PTPRD: variants seen among roughly 807,000 people sequenced by gnomAD.
PTPRD encodes protein tyrosine phosphatase receptor type D, also known as receptor-type tyrosine-protein phosphatase delta.
A neutral mutation model predicts 214.5 loss-of-function variants in PTPRD; 34 were observed. The observed-to-expected ratio is 0.16, with a 90% CI of 0.12 to 0.21. The LOEUF is 0.21. Among genes scored for constraint, PTPRD ranks in the 10% least tolerant of loss-of-function variants. PTPRD has a pLI of 1.00. For synonymous variants in PTPRD, 1,128 were observed against 845.7 expected (o/e 1.33, Z -5.79); for missense variants, 2,545 against 2,398.7 (o/e 1.06, Z -1.27).
intron 4 of PTPRD, among the ~76,000 whole-genome samples, chr9:10,030,814 T>C (rs2097050356): frequency 6.6e-6 from 1 of 152,218 alleles, no homozygotes. Flanking sequence ...CCATCCCGCT[T>C]CATCTTCACC....
In PTPRD at chr9:10,164,640, TG is replaced by T. The variant is rs1370445395; in HGVS notation, c.-544-130851del. On this transcript the variant is annotated intron_variant, in intron 3 of 45. Coordinates refer to ENST00000381196, the MANE Select transcript of PTPRD (RefSeq NM_002839.4). ...TCGTCCTTATAAATCTAGAATTAAT[TG>T]TTAAGTGGGCAGTTCATAAGTAAAA... 2.0e-5 allele frequency among the ~76,000 whole-genome samples: 3 copies of T among 151,708 alleles called. No homozygotes were observed. The East Asian group carries it at 5.8e-4, about 29-fold the overall frequency.
intron 7 of PTPRD, among the ~76,000 whole-genome samples, chr9:9,677,648 A>G (rs977860371): frequency 1.9e-4 from 29 of 152,158 alleles, no homozygotes; most frequent in African/African-American, 6.7e-4. Context: ...ATTCCCTTTG[A>G]AAACTGGCAC....
At chr9:9,342,602 C>T (rs1169896465) in intron 9 of PTPRD, among the ~76,000 whole-genome samples, 1 of 152,050 alleles carries the variant, frequency 6.6e-6, no homozygotes, top group Non-Finnish European at 1.5e-5. Context: ...GATACTGAGT[C>T]CTGTGAAAAC....
At chr9:8,368,676 C>CTT (rs199556434) in intron 39 of PTPRD, among the ~76,000 whole-genome samples, 11,526 of 117,102 alleles carry the variant, frequency 0.098, 960 homozygotes, top group African/African-American at 0.21. Context: ...CCTTTTAATG[C>CTT]TTTTTTTTTT....
At chr9:9,986,676 G>A (rs756137909) in intron 4 of PTPRD, among the ~76,000 whole-genome samples, 15 of 152,040 alleles carry the variant, frequency 9.9e-5, no homozygotes, top group Non-Finnish European at 1.6e-4. Context: ...TTATGTTAAG[G>A]AAGAAGGCAT....
At chr9:8,929,327 GT>G (rs2098927965) in intron 11 of PTPRD, among the ~76,000 whole-genome samples, 1 of 152,078 alleles carries the variant, frequency 6.6e-6, no homozygotes, top group South Asian at 2.1e-4. Context: ...CTGTGGGTTT[GT>G]CATGAATACC....
intron 2 of PTPRD, among the ~76,000 whole-genome samples, chr9:10,499,593 T>A (rs1181479754): frequency 6.6e-6 from 1 of 151,910 alleles, no homozygotes; most frequent in Non-Finnish European, 1.5e-5. Context: ...ATATGGCTGC[T>A]CTGCAATTTC....
Position 8,553,927 on chromosome 9 carries a change from G to A in PTPRD, c.353-25148C>T, listed in dbSNP as rs536769090. 2.6e-5 allele frequency among the ~76,000 whole-genome samples: 4 copies of A among 152,144 alleles called. No individual in the cohort carries two copies. In the South Asian group the frequency reaches 6.2e-4, roughly 24 times the overall value. On this transcript the variant is annotated intron_variant, in intron 14 of 45. Transcript: ENST00000381196. The stretch of plus-strand genomic sequence containing the variant: ...AGATTAGCCGGGCGCGGTGGCTCAC[G>A]CCTGTAATCCTAGCACTTTGGGAGG...
intron 7 of PTPRD, among the ~76,000 whole-genome samples, chr9:9,675,815 A>G (rs1012023302): frequency 6.6e-6 from 1 of 152,028 alleles, no homozygotes; most frequent in African/African-American, 2.4e-5. Context: ...TCTAACTTTA[A>G]TATAAAAACA....
intron 10 of PTPRD, among the ~76,000 whole-genome samples, chr9:9,082,929 A>T (rs575196610): frequency 6.6e-6 from 1 of 152,216 alleles, no homozygotes; most frequent in Non-Finnish European, 1.5e-5. Flanking sequence ...AAAACATTCC[A>T]TGCTCATGGA....
At chr9:9,770,485 A>G (rs559001822) in intron 5 of PTPRD, among the ~76,000 whole-genome samples, 1 of 152,308 alleles carries the variant, frequency 6.6e-6, no homozygotes, top group Non-Finnish European at 1.5e-5. Flanking sequence ...AAGATGCAAT[A>G]TGTTCAGTGC....
chr9:9,537,983 T>C (rs2076856421), intron 8 of PTPRD, among the ~76,000 whole-genome samples: 1 of 151,868 alleles, frequency 6.6e-6, no homozygotes, highest in Non-Finnish European at 1.5e-5. Flanking sequence ...ATGCATATTT[T>C]TACAATCTCC....
chr9:10,141,944 G>A (rs1028663237), intron 3 of PTPRD, among the ~76,000 whole-genome samples: 10 of 152,112 alleles, frequency 6.6e-5, no homozygotes, highest in African/African-American at 2.4e-4. Context: ...CAATGGAACA[G>A]AACAGAGCCC....
intron 6 of PTPRD, among the ~76,000 whole-genome samples, chr9:9,765,448 TA>T (rs1334266161): frequency 6.6e-6 from 1 of 152,154 alleles, no homozygotes; most frequent in Admixed American, 6.5e-5. Context: ...TATTTCAATG[TA>T]AAATTACTCT....
In PTPRD at chr9:8,948,454, TATATATATATTTAC is replaced by T. The variant is rs1277280978; in HGVS notation, c.-104+70229_-104+70242del. ...ATATATATTTACATATATATATATT[TATATATATATTTAC>T]ATATATATATATTTATATATATATT... is the stretch of plus-strand genomic sequence containing the variant. On this transcript the variant is annotated intron_variant, in intron 11 of 45. Coordinates refer to ENST00000381196, the MANE Select transcript of PTPRD (RefSeq NM_002839.4). 7.7e-3 allele frequency among the ~76,000 whole-genome samples: 97 copies of T among 12,670 alleles called. 16 individuals carry two copies. Among genetic ancestry groups the T allele is most frequent in the East Asian group, 0.033 (1 of 30 alleles). The allele number at this position is 12,670 out of a possible 152,430, so 8.3% of individuals were successfully genotyped here. A position where few individuals can be genotyped will look rare whatever the true frequency, so the allele number is the denominator to read the frequency against.
At chr9:9,869,828 T>G (rs1211310879) in intron 5 of PTPRD, among the ~76,000 whole-genome samples, 1 of 151,688 alleles carries the variant, frequency 6.6e-6, no homozygotes, top group Admixed American at 6.6e-5. Flanking sequence ...CATGGAGAAC[T>G]GTTTGGAGAC....
intron 6 of PTPRD, among the ~76,000 whole-genome samples, chr9:9,749,682 C>A (rs1007519269): frequency 6.6e-6 from 1 of 151,846 alleles, no homozygotes; most frequent in African/African-American, 2.4e-5. Context: ...TTGTGTGTTC[C>A]AATATTTTCA....
At chr9:9,455,268 C>G (rs1403002286) in intron 8 of PTPRD, among the ~76,000 whole-genome samples, 1 of 151,310 alleles carries the variant, frequency 6.6e-6, no homozygotes. Flanking sequence ...TAATTAGGCA[C>G]CTTGCCTCAT....
At chr9:8,440,975 G>C (rs1265724962) in intron 34 of PTPRD, among the ~76,000 whole-genome samples, 2 of 152,136 alleles carry the variant, frequency 1.3e-5, no homozygotes, top group Non-Finnish European at 2.9e-5. Context: ...TGCAGCTTGG[G>C]CATCTTTCTA....
Sources: gnomAD v4.1 joint callset for allele counts (sites outside exome capture counted in the v4.1 genomes callset) on GRCh38, gnomAD v4.1.1 for gene constraint, MANE v1.5 for transcripts, NCBI Gene and HGNC (gene_info 2026-07-23, HGNC 2026-07-21) for gene names.